The following VPS13C variants were observed in gnomAD, a reference collection of about 807,000 sequenced individuals.
The protein encoded by VPS13C is intermembrane lipid transfer protein VPS13C.
VPS13C carries 358 observed loss-of-function variants against 456.8 expected under a neutral mutation model. The ratio of observed to expected loss-of-function variants is 0.78; its 90% CI spans 0.72 to 0.86. The LOEUF is 0.86. Among genes scored for constraint, VPS13C ranks in the 40% least tolerant of loss-of-function variants. VPS13C has a pLI of 0.00. For missense variants in VPS13C, 4,818 were observed against 4,385.4 expected (o/e 1.10, Z -2.79); for synonymous variants, 1,578 against 1,486.7 (o/e 1.06, Z -1.41).
Position 61,911,900 on chromosome 15 carries a change from G to T in VPS13C, c.8655C>A (p.Gly2885=), listed in dbSNP as rs375042118. The T allele has an allele frequency of 1.2e-6, 2 of 1,611,830 alleles. No homozygotes were observed. The highest frequency in any genetic ancestry group is 2.2e-5 in the South Asian group (2 of 90,638). Residue 2885 remains glycine, a synonymous_variant, in exon 63 of 85, where the codon GGC becomes GGA. Coordinates refer to ENST00000644861, the MANE Select transcript of VPS13C (RefSeq NM_020821.3). Reference sequence around the variant, plus strand: ...GCATTGAGCCATCAGATGCAATCTCGCCAACTTCTAGTTCTAATGATGACT... The same window carrying T: ...GCATTGAGCCATCAGATGCAATCTCTCCAACTTCTAGTTCTAATGATGACT... The part of the protein sequence containing the change: ...ANKSSLELEV[G]EIASDGSMPT...
At chr15:61,957,999 ATTTG>A (rs2045065829) in intron 37 of VPS13C, among the ~76,000 whole-genome samples, 1 of 151,876 alleles carries the variant, frequency 6.6e-6, no homozygotes, top group Admixed American at 6.6e-5. Context: ...GGATGCTACC[ATTTG>A]TTTGAAAAAA....
At chr15:62,028,952 T>A (rs1001200796) in intron 5 of VPS13C, among the ~76,000 whole-genome samples, 9 of 152,086 alleles carry the variant, frequency 5.9e-5, no homozygotes, top group African/African-American at 1.9e-4. Context: ...ATCCAGTCTA[T>A]CCTAGACAAC....
chr15:61,974,243 T>TTC (rs761885995), intron 25 of VPS13C, 45 bp downstream of exon 25: 9 of 1,560,730 alleles, frequency 5.8e-6, no homozygotes, highest in Non-Finnish European at 6.9e-6. Flanking sequence ...ATCACTGCTC[T>TTC]AAAACAATAA....
intron 45 of VPS13C, among the ~76,000 whole-genome samples, chr15:61,944,734 A>C (rs1024493977): frequency 2.0e-5 from 3 of 152,270 alleles, no homozygotes. Context: ...CAATATACTC[A>C]TGTAGCAAGC....
intron 6 of VPS13C, among the ~76,000 whole-genome samples, chr15:62,025,485 G>C (rs1220787409): frequency 1.3e-5 from 2 of 152,068 alleles, no homozygotes; most frequent in African/African-American, 2.4e-5. Flanking sequence ...AAGAAAGCCA[G>C]TCTAGCCCTG....
chr15:62,003,115 G>T (rs1186890689), intron 15 of VPS13C, among the ~76,000 whole-genome samples: 1 of 152,086 alleles, frequency 6.6e-6, no homozygotes, highest in Non-Finnish European at 1.5e-5. Context: ...TGGGCAGTAT[G>T]GCCATTTTCA....
chr15:61,981,952 C>G (rs2045901726), intron 21 of VPS13C, among the ~76,000 whole-genome samples: 1 of 152,004 alleles, frequency 6.6e-6, no homozygotes, highest in Admixed American at 6.6e-5. Context: ...CTCAATTCAG[C>G]ATGTAAGGTG....
At chr15:61,994,233 A>C (rs1041816016) in intron 16 of VPS13C, among the ~76,000 whole-genome samples, 1 of 152,154 alleles carries the variant, frequency 6.6e-6, no homozygotes, top group Non-Finnish European at 1.5e-5. Context: ...TTCTTTGTCT[A>C]CTGCATCCCA....
chr15:62,052,392 C>T (rs988018883), intron 1 of VPS13C, among the ~76,000 whole-genome samples: 1 of 151,734 alleles, frequency 6.6e-6, no homozygotes, highest in Non-Finnish European at 1.5e-5. Context: ...TAAAGAATAC[C>T]AGGCCTGGTG....
At chr15:62,024,876 T>C (rs542062551) in intron 6 of VPS13C, among the ~76,000 whole-genome samples, 8 of 152,200 alleles carry the variant, frequency 5.3e-5, no homozygotes, top group Admixed American at 5.2e-4. Flanking sequence ...TCCGTGAACT[T>C]CCGTCACCCT....
chr15:61,946,751 T>C (rs183003810), intron 43 of VPS13C, among the ~76,000 whole-genome samples: 1 of 152,036 alleles, frequency 6.6e-6, no homozygotes, highest in East Asian at 1.9e-4. Flanking sequence ...AGATCAGCAG[T>C]GGTCATTTAG....
rs576563872 is a variant in VPS13C, at chr15:61,865,383, A to G, written c.10864-1855T>C. 384 of 982,800 alleles carry G rather than the reference A, an allele frequency of 3.9e-4. 1 individual carries two copies. The highest frequency in any genetic ancestry group is 4.5e-4 in the Non-Finnish European group (373 of 827,636). 60.9% of individuals were successfully genotyped at this position (982,800 alleles called of 1,614,324 possible). ...ATGTCACCTCAATAGATGGCAATACAAGAATTAAAAATGTTAATGAGGCAT... is the reference window on the plus strand; with the variant it reads ...ATGTCACCTCAATAGATGGCAATACGAGAATTAAAAATGTTAATGAGGCAT... On this transcript the variant is annotated intron_variant, in intron 81 of 84. Transcript: ENST00000644861.
intron 16 of VPS13C, among the ~76,000 whole-genome samples, chr15:61,997,602 T>A (rs2046433056): frequency 6.6e-6 from 1 of 152,160 alleles, no homozygotes; most frequent in Non-Finnish European, 1.5e-5. Context: ...TTCCCCCTCT[T>A]ATTTGATAGC....
intron 67 of VPS13C, among the ~76,000 whole-genome samples, chr15:61,889,586 A>AT (rs1296893281): frequency 6.6e-6 from 1 of 152,148 alleles, no homozygotes; most frequent in Non-Finnish European, 1.5e-5. Flanking sequence ...ATACTCTAAT[A>AT]TTTTTCTTAT....
chr15:62,026,839 T>G (rs1461834815), intron 6 of VPS13C, among the ~76,000 whole-genome samples: 1 of 152,060 alleles, frequency 6.6e-6, no homozygotes, highest in Non-Finnish European at 1.5e-5. Context: ...ACTGGCAATT[T>G]TTTTGTTTCA....
chr15:62,017,979 T>A (rs987781041), intron 9 of VPS13C, among the ~76,000 whole-genome samples: 1 of 152,216 alleles, frequency 6.6e-6, no homozygotes, highest in Non-Finnish European at 1.5e-5. Context: ...TGGTTTGTAG[T>A]TCTCCTTGAA....
chr15:62,034,399 T>C (rs2047915630), intron 4 of VPS13C, among the ~76,000 whole-genome samples: 2 of 150,220 alleles, frequency 1.3e-5, no homozygotes, highest in South Asian at 2.1e-4. Flanking sequence ...ACATCCAAAC[T>C]TTTCTTAACA....
intron 27 of VPS13C, among the ~76,000 whole-genome samples, 159 bp downstream of exon 27, chr15:61,972,462 GAGAA>G (rs1372002570): frequency 6.6e-6 from 1 of 152,064 alleles, no homozygotes; most frequent in Non-Finnish European, 1.5e-5. Context: ...GTGTGTGAGA[GAGAA>G]AGAGTGTGTG....
At chr15:61,993,825 C>A (rs2046296940) in intron 16 of VPS13C, among the ~76,000 whole-genome samples, 1 of 151,976 alleles carries the variant, frequency 6.6e-6, no homozygotes, top group Non-Finnish European at 1.5e-5. Context: ...ACACATCATA[C>A]CAATGTCAAA....
Sources: gnomAD v4.1 joint callset for allele counts (sites outside exome capture counted in the v4.1 genomes callset) on GRCh38, gnomAD v4.1.1 for gene constraint, MANE v1.5 for transcripts, NCBI Gene and HGNC (gene_info 2026-07-23, HGNC 2026-07-21) for gene names.